KCNMA1: variants seen among roughly 807,000 people sequenced by gnomAD.
The protein encoded by KCNMA1 is Calcium-activated potassium channel subunit alpha-1.
A neutral mutation model predicts 140.0 loss-of-function variants in KCNMA1; 29 were observed. The ratio of observed to expected loss-of-function variants is 0.21; its 90% CI spans 0.15 to 0.28. The LOEUF (loss-of-function observed/expected upper bound fraction) is 0.28, where lower values mean the gene tolerates loss of function less well. Ranked by LOEUF, KCNMA1 falls within the 10% of genes least tolerant of loss-of-function variation. The probability of loss-of-function intolerance (pLI) is 1.00; values close to 1 mark genes in which losing one functional copy is unlikely to be tolerated. For synonymous variants in KCNMA1, 612 were observed against 611.9 expected, an observed-to-expected ratio of 1.00 and a Z score of 0.00; for missense variants, 880 against 1,602.2, an observed-to-expected ratio of 0.55 and a Z score of 7.70.
At chr10:77,123,767 G>A (rs2097677716) in intron 5 of KCNMA1, among the ~76,000 whole-genome samples, 1 of 152,102 alleles carries the variant, frequency 6.6e-6, no homozygotes, top group Non-Finnish European at 1.5e-5. Flanking sequence ...TAATAAAATA[G>A]AACAATTATG....
intron 1 of KCNMA1, among the ~76,000 whole-genome samples, chr10:77,543,912 G>T (rs1171011238): frequency 1.3e-5 from 2 of 152,184 alleles, no homozygotes; most frequent in African/African-American, 4.8e-5. Flanking sequence ...GGTATTAACA[G>T]AAAGCAATGA....
At chr10:77,495,011 C>T (rs371980353) in intron 1 of KCNMA1, among the ~76,000 whole-genome samples, 2 of 152,198 alleles carry the variant, frequency 1.3e-5, no homozygotes. Context: ...TTAGAGCCCA[C>T]GCTAATGATC....
intron 14 of KCNMA1, among the ~76,000 whole-genome samples, chr10:77,042,945 T>G (rs1370922236): frequency 6.6e-6 from 1 of 152,232 alleles, no homozygotes; most frequent in Admixed American, 6.5e-5. Context: ...CTTCCCCATA[T>G]TTTTCTCTTT....
At position 77,138,409 on chromosome 10, in the gene KCNMA1, C is replaced by T. The variant is rs77267436; in HGVS notation, c.809-17361G>A. 8.6e-3 allele frequency among the ~76,000 whole-genome samples: 1,310 copies of T among 152,178 alleles called. 69 individuals carry two copies. In the East Asian group the frequency reaches 0.14, roughly 16 times the overall value. ...AACATGCTGGGATTATAGGCATAAG[C>T]CATTTTGCCTGGTCTGACTTTACAT... On this transcript the variant is annotated intron_variant, in intron 5 of 27. Coordinates refer to ENST00000286628, the MANE Select transcript of KCNMA1 (RefSeq NM_001161352.2).
intron 1 of KCNMA1, among the ~76,000 whole-genome samples, chr10:77,598,720 C>A (rs1181230215): frequency 1.3e-5 from 2 of 152,222 alleles, no homozygotes; most frequent in African/African-American, 4.8e-5. Context: ...CGCCAAACAA[C>A]CGCCTGGCTC....
intron 1 of KCNMA1, among the ~76,000 whole-genome samples, chr10:77,535,268 C>A (rs2058642422): frequency 6.6e-6 from 1 of 152,190 alleles, no homozygotes; most frequent in Non-Finnish European, 1.5e-5. Flanking sequence ...TCATCTACCC[C>A]ACATATCTCA....
intron 3 of KCNMA1, among the ~76,000 whole-genome samples, chr10:77,223,566 G>A (rs1237064590): frequency 1.3e-5 from 2 of 152,202 alleles, no homozygotes; most frequent in Non-Finnish European, 2.9e-5. Flanking sequence ...AGACAGACAT[G>A]GTGACAGAAA....
At chr10:77,150,640 G>C (rs920048479) in intron 5 of KCNMA1, among the ~76,000 whole-genome samples, 7 of 152,212 alleles carry the variant, frequency 4.6e-5, no homozygotes, top group South Asian at 4.1e-4. Context: ...AAAGTGCTGA[G>C]AGCATAGCCC....
chr10:77,575,019 G>A (rs112020588), intron 1 of KCNMA1, among the ~76,000 whole-genome samples: 13 of 152,272 alleles, frequency 8.5e-5, no homozygotes, highest in Admixed American at 7.8e-4. Context: ...CCCTTGGGAG[G>A]CAAAGCTTGT....
At chr10:76,917,189 A>G (rs760434388) in intron 23 of KCNMA1, among the ~76,000 whole-genome samples, 2 of 152,252 alleles carry the variant, frequency 1.3e-5, no homozygotes, top group African/African-American at 2.4e-5. Flanking sequence ...AGCTGTGCAG[A>G]TTCAGTGGAT....
intron 14 of KCNMA1, among the ~76,000 whole-genome samples, chr10:77,040,593 A>C (rs1039418966): frequency 6.6e-6 from 1 of 152,160 alleles, no homozygotes; most frequent in Non-Finnish European, 1.5e-5. Flanking sequence ...CCATAAAAAG[A>C]ATTTAGGAAG....
chr10:77,126,264 A>G (rs111739597), intron 5 of KCNMA1, among the ~76,000 whole-genome samples: 1,592 of 152,308 alleles, frequency 0.01, 28 homozygotes, highest in African/African-American at 0.036. Context: ...AAAAGCTTCC[A>G]GGTTCAGAGA....
chr10:77,206,572 C>G (rs960553399), intron 3 of KCNMA1, among the ~76,000 whole-genome samples: 3 of 152,164 alleles, frequency 2.0e-5, no homozygotes, highest in Admixed American at 6.6e-5. Context: ...CCGTATTACT[C>G]TCTCTCTTTC....
At chr10:77,142,890 A>C (rs1477834972) in intron 5 of KCNMA1, among the ~76,000 whole-genome samples, 1 of 152,234 alleles carries the variant, frequency 6.6e-6, no homozygotes, top group East Asian at 1.9e-4. Context: ...TAGAAAATGT[A>C]AACAGCTACA....
At chr10:77,291,981 G>A (rs1038715883) in intron 2 of KCNMA1, among the ~76,000 whole-genome samples, 14 of 152,102 alleles carry the variant, frequency 9.2e-5, no homozygotes, top group Admixed American at 7.2e-4. Flanking sequence ...GCTCTGAGAA[G>A]GGTCCCAAAT....
chr10:76,953,253 A>G lies in KCNMA1; in HGVS notation c.2484+548T>C, dbSNP rs564769773. ...TCACAGATGCACAAGGCTATTATCT[A>G]TAAGAATACAAAACATTGCTATAAA... On this transcript the variant is annotated intron_variant, in intron 21 of 27. Transcript: ENST00000286628. Among the ~76,000 whole-genome samples the G allele has an allele frequency of 5.3e-5, 8 of 152,364 alleles. No homozygotes were observed. The East Asian group carries it at 1.4e-3, about 26-fold the overall frequency.
chr10:77,560,965 G>T (rs1488797593), intron 1 of KCNMA1, among the ~76,000 whole-genome samples: 3 of 152,164 alleles, frequency 2.0e-5, no homozygotes, highest in Admixed American at 6.6e-5. Context: ...AGGTGGTCTA[G>T]CCCTGGGACT....
chr10:77,490,275 C>T (rs1411581674), intron 1 of KCNMA1, among the ~76,000 whole-genome samples: 1 of 152,162 alleles, frequency 6.6e-6, no homozygotes, highest in East Asian at 1.9e-4. Context: ...ATGAATCTAA[C>T]AGGAGATGTG....
At chr10:77,212,898 T>C (rs145054699) in intron 3 of KCNMA1, among the ~76,000 whole-genome samples, 1 of 152,354 alleles carries the variant, frequency 6.6e-6, no homozygotes, top group African/African-American at 2.4e-5. Flanking sequence ...TCCTTAAAGA[T>C]CTATCCAAAT....
Sources: gnomAD v4.1 joint callset for allele counts (sites outside exome capture counted in the v4.1 genomes callset) on GRCh38, gnomAD v4.1.1 for gene constraint, MANE v1.5 for transcripts, NCBI Gene and HGNC (gene_info 2026-07-23, HGNC 2026-07-21) for gene names.